Variants in HACE1 observed in about 807,000 individuals in gnomAD.
HACE1 encodes the protein E3 ubiquitin-protein ligase HACE1.
HACE1 carries 73 observed loss-of-function variants against 118.4 expected under a neutral mutation model. The observed-to-expected ratio is 0.62, with a 90% confidence interval of 0.51 to 0.75. The LOEUF is 0.75. HACE1 is among the 30% of genes least tolerant of loss of function. The pLI, the probability that HACE1 is intolerant of heterozygous loss-of-function variation, is 0.00. For synonymous variants in HACE1, 368 were observed against 374.8 expected, an observed-to-expected ratio of 0.98 and a Z score of 0.21; for missense variants, 749 against 1,102.2, an observed-to-expected ratio of 0.68 and a Z score of 4.54.
At chr6:104,806,430 C>T (rs555692585) in intron 7 of HACE1, among the ~76,000 whole-genome samples, 47 of 152,128 alleles carry the variant, frequency 3.1e-4, no homozygotes, top group Admixed American at 5.9e-4. Flanking sequence ...CCACTGCACT[C>T]CAGCCTGGGT....
chr6:104,827,949 T>C (rs915213117), intron 6 of HACE1, among the ~76,000 whole-genome samples: 4 of 152,116 alleles, frequency 2.6e-5, no homozygotes, highest in Non-Finnish European at 5.9e-5. Flanking sequence ...AAAAGTGAAA[T>C]TTATTTTTAA....
At chr6:104,847,446 A>T (rs996567961) in intron 4 of HACE1, among the ~76,000 whole-genome samples, 4 of 152,362 alleles carry the variant, frequency 2.6e-5, no homozygotes, top group Admixed American at 6.5e-5. Context: ...AACATGGCTA[A>T]TTATAAAAAC....
intron 10 of HACE1, among the ~76,000 whole-genome samples, chr6:104,793,548 G>A (rs1783295409): frequency 6.6e-6 from 1 of 152,062 alleles, no homozygotes; most frequent in Non-Finnish European, 1.5e-5. Context: ...TTAGATAATA[G>A]GCTACAAATT....
chr6:104,793,347 T>C (rs1284999335), intron 10 of HACE1, among the ~76,000 whole-genome samples: 1 of 152,062 alleles, frequency 6.6e-6, no homozygotes, highest in Non-Finnish European at 1.5e-5. Flanking sequence ...TATATGGGTA[T>C]ATTCTTATTC....
At chr6:104,744,302 G>A (rs1277368057) in intron 21 of HACE1, 72 bp from the exon 22 acceptor site, 1 of 968,442 alleles carries the variant, frequency 1.0e-6, no homozygotes, top group Non-Finnish European at 1.7e-6. Context: ...AGAGAAATAT[G>A]CAATATTCAT....
At chr6:104,769,619 C>A (rs907657093) in intron 19 of HACE1, among the ~76,000 whole-genome samples, 3 of 152,114 alleles carry the variant, frequency 2.0e-5, no homozygotes, top group Non-Finnish European at 4.4e-5. Context: ...CTTAACATGA[C>A]TTACATTAAA....
intron 14 of HACE1, among the ~76,000 whole-genome samples, 171 bp downstream of exon 14, chr6:104,783,915 G>T (rs1782041244): frequency 6.6e-6 from 1 of 152,122 alleles, no homozygotes; most frequent in South Asian, 2.1e-4. Context: ...TACATAGTAG[G>T]CACTCAGTAC....
At chr6:104,828,718 A>G (rs1343100703) in intron 6 of HACE1, among the ~76,000 whole-genome samples, 1 of 152,004 alleles carries the variant, frequency 6.6e-6, no homozygotes, top group Non-Finnish European at 1.5e-5. Context: ...TATCATGTTT[A>G]CCTCTAATGC....
At chr6:104,833,630 A>G (rs1178174749) in intron 5 of HACE1, among the ~76,000 whole-genome samples, 1 of 152,184 alleles carries the variant, frequency 6.6e-6, no homozygotes, top group Admixed American at 6.5e-5. Context: ...GATTGCTTGA[A>G]GCAACGAGTT....
At chr6:104,730,711 G>A (rs1391412509) in intron 22 of HACE1, 2 of 358,894 alleles carry the variant, frequency 5.6e-6, no homozygotes, top group Non-Finnish European at 1.1e-5. Flanking sequence ...TTGCTTTCAT[G>A]TGGCTCTCTA....
At chr6:104,747,001 CAAG>C (rs772338048) in intron 20 of HACE1, among the ~76,000 whole-genome samples, 3 of 151,418 alleles carry the variant, frequency 2.0e-5, no homozygotes, top group South Asian at 4.2e-4. Context: ...GATTTTTTTT[CAAG>C]AAGAAGAAAA....
chr6:104,846,193 T>C (rs1775654413), intron 4 of HACE1, among the ~76,000 whole-genome samples: 1 of 152,178 alleles, frequency 6.6e-6, no homozygotes, highest in South Asian at 2.1e-4. Context: ...ATTACTATTT[T>C]CCAGGGTCTG....
intron 5 of HACE1, 32 bp downstream of exon 5, chr6:104,843,191 T>C: frequency 9.3e-7 from 1 of 1,078,056 alleles, no homozygotes; most frequent in Non-Finnish European, 1.4e-6. Flanking sequence ...AAACATACTT[T>C]TAAAACATCA....
intron 7 of HACE1, among the ~76,000 whole-genome samples, chr6:104,804,862 T>C (rs906526012): frequency 6.6e-6 from 1 of 152,030 alleles, no homozygotes; most frequent in Non-Finnish European, 1.5e-5. Flanking sequence ...ACAAATGGGA[T>C]CTAATTAAAC....
At chr6:104,736,290 A>C (rs994755448) in intron 22 of HACE1, among the ~76,000 whole-genome samples, 10 of 151,524 alleles carry the variant, frequency 6.6e-5, no homozygotes, top group African/African-American at 2.2e-4. Flanking sequence ...TTTTATTATT[A>C]TTATTATTTT....
intron 23 of HACE1, 25 bp downstream of exon 23, chr6:104,730,278 A>G (rs1449253310): frequency 9.6e-7 from 1 of 1,042,462 alleles, no homozygotes; most frequent in Non-Finnish European, 1.5e-6. Flanking sequence ...TTTGTAAAGC[A>G]TTTAAATAAA....
intron 1 of HACE1, among the ~76,000 whole-genome samples, chr6:104,859,148 C>T (rs1190709530): frequency 6.6e-6 from 1 of 152,166 alleles, no homozygotes; most frequent in African/African-American, 2.4e-5. Context: ...AAAAGCCCGC[C>T]TGGCCCCCCG....
chr6:104,829,676 G>A (rs1773668477), intron 6 of HACE1, among the ~76,000 whole-genome samples: 1 of 152,042 alleles, frequency 6.6e-6, no homozygotes, highest in African/African-American at 2.4e-5. Flanking sequence ...GACCAACTAT[G>A]ACAGAATAAA....
Position 104,859,797 on chromosome 6 carries a change from T to C in HACE1, c.-155A>G. 1 of 649,402 alleles carries C rather than the reference T, an allele frequency of 1.5e-6. No individual in the cohort carries two copies. The highest frequency in any genetic ancestry group is 2.5e-6 in the Non-Finnish European group (1 of 403,880). 40.2% of individuals were successfully genotyped at this position (649,402 alleles called of 1,614,324 possible). A position where few individuals can be genotyped will look rare whatever the true frequency, so the allele number is the denominator to read the frequency against. On this transcript the variant is annotated 5_prime_UTR_variant, in exon 1 of 24. Coordinates refer to ENST00000262903, the MANE Select transcript of HACE1 (RefSeq NM_020771.4). ...GCTGCGAGGGCTGCCTGGGGCCACG[T>C]CCTGCGTCCGGGGGCCGGGCTGCTG... is the stretch of plus-strand genomic sequence containing the variant.
Sources: gnomAD v4.1 joint callset for allele counts (sites outside exome capture counted in the v4.1 genomes callset) on GRCh38, gnomAD v4.1.1 for gene constraint, MANE v1.5 for transcripts, NCBI Gene and HGNC (gene_info 2026-07-23, HGNC 2026-07-21) for gene names.